PFKP: variants seen among roughly 807,000 people sequenced by gnomAD.
The protein encoded by PFKP is phosphofructokinase, platelet, also known as ATP-dependent 6-phosphofructokinase, platelet type.
In PFKP, 101 loss-of-function variants were observed where a neutral mutation model predicts 94.3. That is an observed-to-expected ratio of 1.07 (90% CI 0.91 to 1.26). PFKP has a LOEUF of 1.26. PFKP is among the 50% of genes most tolerant of loss of function. The pLI is 0.00. For synonymous variants in PFKP, 573 were observed against 432.6 expected (o/e 1.32, Z -4.03); for missense variants, 1,145 against 1,103.3 (o/e 1.04, Z -0.53).
chr10:3,083,127 G>A (rs1438660288), intron 2 of PFKP, among the ~76,000 whole-genome samples: 1 of 152,226 alleles, frequency 6.6e-6, no homozygotes, highest in South Asian at 2.1e-4. Flanking sequence ...GGCTCTTACT[G>A]CTGTAGAAGT....
intron 16 of PFKP, among the ~76,000 whole-genome samples, chr10:3,126,853 C>T (rs4881100): frequency 0.69 from 104,664 of 152,224 alleles, 36,073 homozygotes; most frequent in East Asian, 0.74. Flanking sequence ...ATCGCCTCTG[C>T]GTCCTTGCAG....
In PFKP at chr10:3,070,381, A is replaced by G. The variant is rs183253058; in HGVS notation, c.112+2674A>G. On this transcript the variant is annotated intron_variant, in intron 1 of 21. Coordinates refer to ENST00000381125, the MANE Select transcript of PFKP (RefSeq NM_002627.5). ...TCTTTTACCATTTTATTCTGATTCT[A>G]TGTTAGTACTTGATTTTCCCTGACA... 3.9e-5 allele frequency: 6 copies of G among 152,306 alleles called. No homozygotes were observed. In the East Asian group the frequency reaches 9.6e-4, roughly 24 times the overall value. The allele number at this position is 152,306 out of a possible 1,614,324, so 9.4% of individuals were successfully genotyped here.
rs944985852 is a variant in PFKP, at chr10:3,128,530, G to A, written c.1684-1289G>A. ...TCTCTCCCACAGCTCTGGAGCGCAG[G>A]AGCCATGGGCTGAGGCCAGAATGTT... On this transcript the variant is annotated intron_variant, in intron 16 of 21. Coordinates refer to ENST00000381125, the MANE Select transcript of PFKP (RefSeq NM_002627.5). 7.2e-5 allele frequency among the ~76,000 whole-genome samples: 11 copies of A among 152,336 alleles called. No individual in the cohort carries two copies. The East Asian group carries it at 2.1e-3, about 29-fold the overall frequency.
At chr10:3,094,840 G>A (rs1192163319) in intron 2 of PFKP, among the ~76,000 whole-genome samples, 1 of 152,080 alleles carries the variant, frequency 6.6e-6, no homozygotes, top group Non-Finnish European at 1.5e-5. Flanking sequence ...GTTCTGTGGG[G>A]GAGGGAAAAG....
chr10:3,119,111 C>G (rs995090405), intron 15 of PFKP, among the ~76,000 whole-genome samples: 1 of 140,460 alleles, frequency 7.1e-6, no homozygotes, highest in African/African-American at 2.7e-5. Flanking sequence ...ACCCGGGCCT[C>G]ATCTATTCAG....
At chr10:3,104,780 A>T (rs745793548) in intron 5 of PFKP, 1 of 397,688 alleles carries the variant, frequency 2.5e-6, no homozygotes, top group Non-Finnish European at 4.6e-6. Flanking sequence ...ACTGTGCCCA[A>T]TAGAGAAGGT....
At chr10:3,108,490 G>T (rs1301977861) in intron 8 of PFKP, among the ~76,000 whole-genome samples, 1 of 152,052 alleles carries the variant, frequency 6.6e-6, no homozygotes, top group Non-Finnish European at 1.5e-5. Context: ...GATCTTGTCT[G>T]GTAACAACAG....
chr10:3,123,978 C>T (rs1194769538), intron 16 of PFKP, among the ~76,000 whole-genome samples: 2 of 150,794 alleles, frequency 1.3e-5, no homozygotes, highest in Admixed American at 6.6e-5. Context: ...GTTCACAGCT[C>T]GCCTTGTGGT....
chr10:3,104,469 C>T (rs1171013371), intron 5 of PFKP, among the ~76,000 whole-genome samples: 1 of 152,172 alleles, frequency 6.6e-6, no homozygotes, highest in African/African-American at 2.4e-5. Flanking sequence ...TAAGTGTCTC[C>T]CCTTTAAGGA....
intron 1 of PFKP, 99 bp from the exon 2 acceptor site, chr10:3,082,289 T>G: frequency 5.3e-5 from 39 of 740,008 alleles, no homozygotes; most frequent in Non-Finnish European, 8.2e-5. Flanking sequence ...AATGAGGCAT[T>G]GAGAGGTTAG....
intron 7 of PFKP, 29 bp downstream of exon 7, chr10:3,105,530 C>CG (rs1564307398): frequency 1.4e-6 from 2 of 1,459,038 alleles, no homozygotes; most frequent in East Asian, 4.5e-5. Flanking sequence ...CCGTTGATAG[C>CG]GGGCGATGCT....
Position 3,136,616 on chromosome 10 carries a change from A to G in PFKP, c.*37A>G, listed in dbSNP as rs771019036. The G allele has an allele frequency of 6.2e-7, 1 of 1,605,120 alleles. No individual in the cohort carries two copies. Among genetic ancestry groups the G allele is most frequent in the Non-Finnish European group, 8.5e-7 (1 of 1,173,748 alleles). ...CTGCATGTGCCTGCAGCCACCGTGGACTGTCTGTTTTTGTAACACTTAAGT... is the reference window on the plus strand; with the variant it reads ...CTGCATGTGCCTGCAGCCACCGTGGGCTGTCTGTTTTTGTAACACTTAAGT... On this transcript the variant is annotated 3_prime_UTR_variant, in exon 22 of 22. Coordinates refer to ENST00000381125, the MANE Select transcript of PFKP (RefSeq NM_002627.5).
intron 2 of PFKP, among the ~76,000 whole-genome samples, chr10:3,095,600 A>G (rs1834417898): frequency 6.6e-6 from 1 of 152,346 alleles, no homozygotes; most frequent in South Asian, 2.1e-4. Context: ...TGTTTTTCCT[A>G]TGTGAGTCAT....
At chr10:3,123,436 A>G (rs533744692) in intron 16 of PFKP, among the ~76,000 whole-genome samples, 2 of 152,150 alleles carry the variant, frequency 1.3e-5, no homozygotes, top group African/African-American at 2.4e-5. Context: ...AGGAAGGAAA[A>G]GAGGAGTGAT....
intron 13 of PFKP, among the ~76,000 whole-genome samples, chr10:3,115,609 G>GCCACGGAGAACAGGAC (rs1836766368): frequency 1.3e-5 from 2 of 151,794 alleles, no homozygotes; most frequent in African/African-American, 4.8e-5. Context: ...TGTGTGTCCC[G>GCCACGGAGAACAGGAC]TGGCCAAGAA....
intron 20 of PFKP, 117 bp downstream of exon 20, chr10:3,134,699 AGCTGC>A: frequency 1.5e-6 from 1 of 659,616 alleles, no homozygotes; most frequent in East Asian, 2.5e-5. Context: ...TTCAGTACTG[AGCTGC>A]ACGTGATGTT....
chr10:3,074,665 G>T (rs1230438668), intron 1 of PFKP, among the ~76,000 whole-genome samples: 3 of 152,234 alleles, frequency 2.0e-5, no homozygotes, highest in Non-Finnish European at 4.4e-5. Flanking sequence ...AGCTGTTACA[G>T]CTGGAAGGTA....
intron 16 of PFKP, among the ~76,000 whole-genome samples, chr10:3,126,140 C>T (rs1167639457): frequency 1.3e-5 from 2 of 152,228 alleles, no homozygotes; most frequent in East Asian, 1.9e-4. Flanking sequence ...CACAGAACCT[C>T]GGAAGACAGC....
chr10:3,094,739 C>T (rs1834341886), intron 2 of PFKP, among the ~76,000 whole-genome samples: 1 of 152,158 alleles, frequency 6.6e-6, no homozygotes. Context: ...AAGTCTAAGC[C>T]TAGAGAGCCG....
Sources: allele counts gnomAD v4.1 joint callset (sites outside exome capture counted in the v4.1 genomes callset), GRCh38; gene constraint gnomAD v4.1.1; transcripts MANE v1.5; gene names NCBI Gene and HGNC (gene_info 2026-07-23, HGNC 2026-07-21).